Variants in PDE8A observed in about 807,000 individuals in gnomAD.
PDE8A encodes high affinity cAMP-specific and IBMX-insensitive 3',5'-cyclic phosphodiesterase 8A.
In PDE8A, 59 loss-of-function variants were observed where a neutral mutation model predicts 105.0. That is an observed-to-expected ratio of 0.56 (90% CI 0.46 to 0.70). The LOEUF (loss-of-function observed/expected upper bound fraction) is 0.70. Ranked by LOEUF, PDE8A falls within the 30% of genes least tolerant of loss-of-function variation. PDE8A has a pLI of 0.00. For synonymous variants in PDE8A, 355 were observed against 371.9 expected (o/e 0.95, Z 0.52); for missense variants, 1,014 against 1,045.9 (o/e 0.97, Z 0.42).
intron 6 of PDE8A, among the ~76,000 whole-genome samples, chr15:85,087,089 A>G (rs1029963368): frequency 9.4e-5 from 14 of 148,762 alleles, no homozygotes; most frequent in African/African-American, 2.7e-4. Flanking sequence ...ATAAATTTAC[A>G]TATTATCTCC....
intron 1 of PDE8A, among the ~76,000 whole-genome samples, chr15:85,016,481 T>C (rs2080327075): frequency 6.6e-6 from 1 of 152,240 alleles, no homozygotes; most frequent in Non-Finnish European, 1.5e-5. Context: ...ATAATTGAGT[T>C]CATTTCTGGA....
chr15:84,981,549 C>G (rs2079707650), upstream of PDE8A, among the ~76,000 whole-genome samples: 2 of 152,172 alleles, frequency 1.3e-5, no homozygotes, highest in African/African-American at 4.8e-5. Context: ...GGACCCCGCG[C>G]CTAAACCCCG....
chr15:85,138,812 A>ACTT lies in PDE8A; in HGVS notation c.*910_*912dup, dbSNP rs1321756023. 2 of 152,250 alleles carry ACTT rather than the reference A, an allele frequency of 1.3e-5. No homozygotes were observed. The highest frequency in any genetic ancestry group is 6.5e-5 in the Admixed American group (1 of 15,290). 9.4% of individuals were successfully genotyped at this position (152,250 alleles called of 1,614,324 possible). ...TGTTGGTTCGCAAAGAAAAGTTAGG[A>ACTT]CTTAACACTTTTTTCTAAAATTTTA... On this transcript the variant is annotated 3_prime_UTR_variant, in exon 22 of 22. Coordinates refer to ENST00000394553, the MANE Select transcript of PDE8A (RefSeq NM_002605.3).
intron 8 of PDE8A, among the ~76,000 whole-genome samples, chr15:85,093,053 C>T (rs1280636602): frequency 6.6e-6 from 1 of 151,836 alleles, no homozygotes; most frequent in African/African-American, 2.4e-5. Flanking sequence ...GGACCACGGG[C>T]ACATGCCGTC....
intron 1 of PDE8A, among the ~76,000 whole-genome samples, chr15:85,045,462 C>T (rs918047016): frequency 1.2e-4 from 18 of 152,338 alleles, no homozygotes; most frequent in Non-Finnish European, 2.6e-4. Flanking sequence ...TGCTTACCAA[C>T]TATTTGACCA....
intron 12 of PDE8A, among the ~76,000 whole-genome samples, chr15:85,112,370 T>G (rs2082033639): frequency 1.3e-5 from 2 of 152,232 alleles, no homozygotes; most frequent in African/African-American, 4.8e-5. Flanking sequence ...GTTACCATGT[T>G]GTACAATAGA....
chr15:85,121,294 G>A (rs1425535080), intron 18 of PDE8A, among the ~76,000 whole-genome samples: 1 of 151,688 alleles, frequency 6.6e-6, no homozygotes, highest in East Asian at 1.9e-4. Flanking sequence ...GGTTGTGTCT[G>A]TAGTCCCAGC....
At chr15:85,102,124 C>T (rs771274721) in intron 11 of PDE8A, among the ~76,000 whole-genome samples, 3 of 152,010 alleles carry the variant, frequency 2.0e-5, no homozygotes, top group Non-Finnish European at 4.4e-5. Context: ...TGGAAGAGAA[C>T]AGCAAGAAAA....
chr15:84,990,102 A>G (rs969246242), intron 1 of PDE8A, among the ~76,000 whole-genome samples: 3 of 152,200 alleles, frequency 2.0e-5, no homozygotes, highest in African/African-American at 4.8e-5. Flanking sequence ...CTGTAGTCCC[A>G]TCTACTCAGG....
At chr15:85,040,137 T>C (rs1238279460) in intron 1 of PDE8A, among the ~76,000 whole-genome samples, 2 of 151,880 alleles carry the variant, frequency 1.3e-5, no homozygotes, top group African/African-American at 2.4e-5. Context: ...GTGATGGATA[T>C]GTTAAAGAAA....
chr15:85,101,352 A>G (rs1458866894), intron 11 of PDE8A, among the ~76,000 whole-genome samples: 1 of 152,248 alleles, frequency 6.6e-6, no homozygotes, highest in Non-Finnish European at 1.5e-5. Flanking sequence ...TCTTCTAGAC[A>G]GGGAGAGGTG....
chr15:85,019,613 C>G (rs1319076735), intron 1 of PDE8A, among the ~76,000 whole-genome samples: 2 of 151,946 alleles, frequency 1.3e-5, no homozygotes, highest in East Asian at 3.9e-4. Context: ...CAGAGTTTCG[C>G]TCTTGTCACC....
At position 85,064,245 on chromosome 15, in the gene PDE8A, ATTTAC is replaced by A. The variant is rs1859560673; in HGVS notation, c.187-120_187-116del. On this transcript the variant is annotated intron_variant, in intron 1 of 21. Coordinates refer to ENST00000394553, the MANE Select transcript of PDE8A (RefSeq NM_002605.3). ...CTCATAATCATTTCATTTATCTACT[ATTTAC>A]TTTATTTGCCTCTAGAATAGAAATT... The A allele has an allele frequency of 3.2e-5, 20 of 627,590 alleles. No individual in the cohort carries two copies. In the South Asian group the frequency reaches 4.2e-4, roughly 13 times the overall value. 38.9% of individuals were successfully genotyped at this position (627,590 alleles called of 1,614,324 possible).
intron 1 of PDE8A, among the ~76,000 whole-genome samples, chr15:85,034,552 C>T (rs60190502): frequency 0.035 from 5,362 of 152,142 alleles, 299 homozygotes; most frequent in African/African-American, 0.12. Flanking sequence ...GTTCCCTCAT[C>T]GTTAATAGCT....
intron 11 of PDE8A, among the ~76,000 whole-genome samples, chr15:85,108,812 CTG>C (rs1014021277): frequency 1.3e-5 from 2 of 152,112 alleles, no homozygotes; most frequent in African/African-American, 2.4e-5. Context: ...TCTTGGGACT[CTG>C]TAATTACATA....
intron 1 of PDE8A, among the ~76,000 whole-genome samples, chr15:85,057,246 A>G (rs1028515929): frequency 6.6e-6 from 1 of 152,168 alleles, no homozygotes; most frequent in Non-Finnish European, 1.5e-5. Context: ...CAGTTAGGCT[A>G]CTTGGGGGTC....
rs762267011 is a variant in PDE8A at position 85,042,282 on chromosome 15, T to C, written c.187-22088T>C. Among the ~76,000 whole-genome samples, 18 of 152,088 alleles carry C rather than the reference T, an allele frequency of 1.2e-4. 1 individual carries two copies. The highest frequency in any genetic ancestry group is 2.9e-5 in the Non-Finnish European group (2 of 68,026). ...GCCTCAAACTCCTTGGCTCAATTGA[T>C]CCTCTCACTTCAGCCTCTCTGGTCT... On this transcript the variant is annotated intron_variant, in intron 1 of 21. Transcript: ENST00000394553.
chr15:85,037,196 G>T (rs1056018833), intron 1 of PDE8A, among the ~76,000 whole-genome samples: 1 of 151,814 alleles, frequency 6.6e-6, no homozygotes, highest in Non-Finnish European at 1.5e-5. Flanking sequence ...CTCCCAAGTA[G>T]CTGGGATTAC....
At chr15:85,043,774 T>C (rs1187627865) in intron 1 of PDE8A, among the ~76,000 whole-genome samples, 1 of 152,120 alleles carries the variant, frequency 6.6e-6, no homozygotes, top group Non-Finnish European at 1.5e-5. Context: ...CTTGGCACAC[T>C]GCAACCTCTG....
Sources: gnomAD v4.1 joint callset for allele counts (sites outside exome capture counted in the v4.1 genomes callset) on GRCh38, gnomAD v4.1.1 for gene constraint, MANE v1.5 for transcripts, NCBI Gene and HGNC (gene_info 2026-07-23, HGNC 2026-07-21) for gene names.